ZNF676: variants seen among roughly 807,000 people sequenced by gnomAD.
The protein encoded by ZNF676 is zinc finger protein 676.
Under a neutral mutation model 6.0 loss-of-function variants are expected in ZNF676, and 4 were observed. The observed-to-expected ratio is 0.67, with a 90% CI of 0.33 to 1.53. The LOEUF (loss-of-function observed/expected upper bound fraction) is 1.53. ZNF676 is among the 40% of genes most tolerant of loss of function. ZNF676 has a pLI of 0.06. For missense variants in ZNF676, 644 were observed against 679.7 expected (o/e 0.95, Z 0.58); for synonymous variants, 198 against 223.1 (o/e 0.89, Z 1.00).
the ZNF676 span, among the ~76,000 whole-genome samples, chr19:22,243,032 C>G: frequency 4.0e-5 from 6 of 151,764 alleles, no homozygotes; most frequent in East Asian, 1.2e-3. Context: ...CTGTGGTAAG[C>G]CCAGTATTAA....
chr19:22,252,486 C>A, the ZNF676 span, among the ~76,000 whole-genome samples: 2 of 149,068 alleles, frequency 1.3e-5, no homozygotes, highest in African/African-American at 4.9e-5. Context: ...CCCAGAGATA[C>A]TCTATAACCC....
intron 2 of ZNF676, among the ~76,000 whole-genome samples, chr19:22,191,434 C>T (rs1274180289): frequency 6.6e-6 from 1 of 152,162 alleles, no homozygotes; most frequent in African/African-American, 2.4e-5. Flanking sequence ...CATTTAGAGC[C>T]ATGCTGGCAG....
chr19:22,245,133 A>G, the ZNF676 span: 1 of 152,222 alleles, frequency 6.6e-6, no homozygotes, highest in East Asian at 1.9e-4. Flanking sequence ...ATATGTCAAA[A>G]TTCCCTTGAG....
the ZNF676 span, among the ~76,000 whole-genome samples, chr19:22,248,386 T>C: frequency 6.6e-6 from 1 of 152,226 alleles, no homozygotes; most frequent in African/African-American, 2.4e-5. Context: ...TTCCTATTTC[T>C]CCACATTCTC....
chr19:22,232,164 TTTC>T, the ZNF676 span, among the ~76,000 whole-genome samples: 1 of 151,770 alleles, frequency 6.6e-6, no homozygotes, highest in African/African-American at 2.4e-5. Context: ...GCATATTTCT[TTTC>T]TTTTCTTTTC....
At chr19:22,220,641 G>C (rs188128577), upstream of ZNF676, among the ~76,000 whole-genome samples, 1 of 152,114 alleles carries the variant, frequency 6.6e-6, no homozygotes, top group African/African-American at 2.4e-5. Flanking sequence ...ATTTTTAGTA[G>C]AGATGGGGTT....
the ZNF676 span, among the ~76,000 whole-genome samples, chr19:22,238,510 G>A: frequency 6.6e-6 from 1 of 151,842 alleles, no homozygotes; most frequent in African/African-American, 2.4e-5. Context: ...GCATTTTTGG[G>A]TCTAATCATA....
In ZNF676 at chr19:22,180,542, G is replaced by A. The variant is rs199601535; in HGVS notation, c.1175C>T (p.Pro392Leu). Reference sequence around the variant, plus strand: ...TTTGCCACATTCTTCACATTTGTAGGGCTTCTCTTCAGCATGAATTGCCTT... The same window carrying A: ...TTTGCCACATTCTTCACATTTGTAGAGCTTCTCTTCAGCATGAATTGCCTT... ...THKAIHAEEK[P>L]YKCEECGKAS... The change falls in exon 3 of 3, where the codon CCC becomes CTC. Residue 392 changes from proline (P) to leucine (L), a missense_variant. Physicochemically the swap from Pro to Leu is moderately conservative, Grantham distance 98 (BLOSUM62 -3). Around this residue, in one of 5 missense-constraint regions of ZNF676, gnomAD observed 306 missense variants for 265.4 expected, o/e 1.15. Coordinates refer to ENST00000397121, the MANE Select transcript of ZNF676 (RefSeq NM_001001411.3). 426 of 1,611,408 alleles carry A rather than the reference G, an allele frequency of 2.6e-4. 1 individual carries two copies. Among genetic ancestry groups the A allele is most frequent in the Non-Finnish European group, 3.5e-4 (416 of 1,179,692 alleles).
intron 1 of ZNF676, among the ~76,000 whole-genome samples, chr19:22,194,638 G>A (rs748964462): frequency 7.2e-5 from 11 of 152,064 alleles, no homozygotes; most frequent in Admixed American, 1.3e-4. Context: ...TTCTGTCCTC[G>A]CTGTAACAAA....
Position 22,179,871 on chromosome 19 carries a change from G to T in ZNF676, c.*79C>A. 6.8e-7 allele frequency: 1 copy of T among 1,475,924 alleles called. No individual in the cohort carries two copies. Among genetic ancestry groups the T allele is most frequent in the Non-Finnish European group, 9.4e-7 (1 of 1,065,050 alleles). 91.4% of individuals were successfully genotyped at this position (1,475,924 alleles called of 1,614,324 possible). A position where few individuals can be genotyped will look rare whatever the true frequency, so the allele number is the denominator to read the frequency against. ...CTTTGCCACATTCTTCACCTTTGTAGATTTTCTCTCCAGTATGAATTTTCT... is the reference window on the plus strand; with the variant it reads ...CTTTGCCACATTCTTCACCTTTGTATATTTTCTCTCCAGTATGAATTTTCT... On this transcript the variant is annotated 3_prime_UTR_variant, in exon 3 of 3. Transcript: ENST00000397121.
At chr19:22,226,981 C>A in the ZNF676 span, among the ~76,000 whole-genome samples, 2 of 152,078 alleles carry the variant, frequency 1.3e-5, no homozygotes, top group Admixed American at 1.3e-4. Flanking sequence ...GCAAATCTGT[C>A]CTGCCAAATG....
chr19:22,193,259 GT>G, intron 1 of ZNF676, 148 bp from the exon 2 acceptor site: 2 of 952,812 alleles, frequency 2.1e-6, no homozygotes, highest in Middle Eastern at 5.2e-4. Context: ...GAAGAAAAAC[GT>G]TATGTGCAGT....
In ZNF676 at chr19:22,193,036, T is replaced by C. The variant is rs1227250323; in HGVS notation, c.110A>G (p.Glu37Gly). Reference protein sequence around the residue: ...GKEPWNMKRHEMVEEPPVICS... With the variant: ...GKEPWNMKRHGMVEEPPVICS... Reference sequence around the variant, plus strand: ...CCTACCTGGGGGTTCTTCCACCATCTCATGTCTCTTCATATTCCAGGGCTC... The same window carrying C: ...CCTACCTGGGGGTTCTTCCACCATCCCATGTCTCTTCATATTCCAGGGCTC... Residue 37 changes from glutamate (E) to glycine (G), a missense_variant, in exon 2 of 3, where the codon GAG (glutamate) becomes GGG (glycine). Glu to Gly is a moderately conservative substitution (Grantham distance 98). This residue lies in a region of ZNF676 where 280 missense variants were observed against 269.3 expected (regional missense o/e 1.04). Transcript: ENST00000397121. 6.2e-7 allele frequency: 1 copy of C among 1,609,464 alleles called. No homozygotes were observed. Among genetic ancestry groups the C allele is most frequent in the Non-Finnish European group, 8.5e-7 (1 of 1,178,196 alleles).
the ZNF676 span, among the ~76,000 whole-genome samples, chr19:22,225,071 A>G: frequency 1.3e-3 from 203 of 152,220 alleles, 1 homozygote; most frequent in African/African-American, 4.5e-3. Context: ...GAGGTTTTAC[A>G]TCTTGTAAAA....
chr19:22,208,478 C>T (rs1348980436), intron 1 of ZNF676, among the ~76,000 whole-genome samples: 1 of 152,120 alleles, frequency 6.6e-6, no homozygotes, highest in African/African-American at 2.4e-5. Flanking sequence ...CCTCACTAAA[C>T]TAAAAATAAA....
the ZNF676 span, among the ~76,000 whole-genome samples, chr19:22,227,819 A>G: frequency 6.6e-6 from 1 of 152,242 alleles, no homozygotes; most frequent in African/African-American, 2.4e-5. Context: ...AAGAAGTCAA[A>G]TCCCTGAATA....
At chr19:22,246,018 C>T in the ZNF676 span, among the ~76,000 whole-genome samples, 1 of 152,072 alleles carries the variant, frequency 6.6e-6, no homozygotes, top group African/African-American at 2.4e-5. Context: ...TTTGTCTCAG[C>T]CATACGTCAC....
intron 1 of ZNF676, among the ~76,000 whole-genome samples, chr19:22,195,449 G>A (rs1261360585): frequency 6.6e-6 from 1 of 152,170 alleles, no homozygotes; most frequent in Non-Finnish European, 1.5e-5. Context: ...TACTTATCGT[G>A]TCCGCAGACC....
At chr19:22,220,631 A>T (rs975006950), upstream of ZNF676, among the ~76,000 whole-genome samples, 4 of 152,012 alleles carry the variant, frequency 2.6e-5, no homozygotes, top group Non-Finnish European at 5.9e-5. Flanking sequence ...TAATTTTTGT[A>T]TTTTTAGTAG....
Sources: allele counts gnomAD v4.1 joint callset (sites outside exome capture counted in the v4.1 genomes callset), GRCh38; gene constraint gnomAD v4.1.1; regional missense constraint gnomAD v4.1.1; transcripts MANE v1.5; gene names NCBI Gene and HGNC (gene_info 2026-07-23, HGNC 2026-07-21).